The following DTNA variants were observed in gnomAD, a reference collection of about 807,000 sequenced individuals.
The protein encoded by DTNA is dystrobrevin alpha, also known as dystrophin-related protein 3.
DTNA carries 43 observed loss-of-function variants against 100.7 expected under a neutral mutation model. The observed-to-expected ratio is 0.43, with a 90% CI of 0.33 to 0.55. The LOEUF is 0.55. Among genes scored for constraint, DTNA ranks in the 20% least tolerant of loss-of-function variants. The pLI, the probability that DTNA is intolerant of heterozygous loss-of-function variation, is 0.04. For missense variants in DTNA, 798 were observed against 953.9 expected, an observed-to-expected ratio of 0.84 and a Z score of 2.15; for synonymous variants, 349 against 347.9, an observed-to-expected ratio of 1.00 and a Z score of -0.04.
rs777993752 is a variant in DTNA at position 34,851,945 on chromosome 18, G to C, written c.1532+17G>C. 17 of 1,612,050 alleles carry C rather than the reference G, an allele frequency of 1.1e-5. No individual in the cohort carries two copies. Among genetic ancestry groups the C allele is most frequent in the Non-Finnish European group, 1.4e-5 (16 of 1,178,410 alleles). On this transcript the variant is annotated intron_variant, in intron 15 of 22. Coordinates refer to ENST00000444659, the MANE Select transcript of DTNA (RefSeq NM_001386795.1). ...CAAGAACAGGTGAGACTTTGTAGAC[G>C]TGCTGGCTTGTTTGATCAATGTGCG... is the stretch of plus-strand genomic sequence containing the variant.
intron 1 of DTNA, among the ~76,000 whole-genome samples, chr18:34,510,585 G>GC (rs1392005177): frequency 1.3e-5 from 2 of 149,376 alleles, no homozygotes; most frequent in Non-Finnish European, 3.0e-5. Context: ...CCTTTTATGA[G>GC]CCCCTGTGGC....
intron 1 of DTNA, among the ~76,000 whole-genome samples, chr18:34,664,824 A>G (rs1359744567): frequency 6.6e-6 from 1 of 152,152 alleles, no homozygotes; most frequent in Non-Finnish European, 1.5e-5. Flanking sequence ...ATTGATAGGT[A>G]TAATAAACAT....
chr18:34,797,986 GTC>G (rs2095052787), intron 4 of DTNA, among the ~76,000 whole-genome samples: 4 of 126,770 alleles, frequency 3.2e-5, no homozygotes, highest in Non-Finnish European at 7.5e-5. Flanking sequence ...CTGAGCTCTT[GTC>G]GTACTAATTT....
At chr18:34,731,884 G>A (rs575241022) in intron 1 of DTNA, among the ~76,000 whole-genome samples, 1 of 152,314 alleles carries the variant, frequency 6.6e-6, no homozygotes, top group Admixed American at 6.5e-5. Flanking sequence ...ATAGGGGAAA[G>A]AAGTGACAGG....
Position 34,824,955 on chromosome 18 carries a change from TAAATC to T in DTNA, c.1002-2635_1002-2631del, listed in dbSNP as rs148188981. On this transcript the variant is annotated intron_variant, in intron 9 of 22. Coordinates refer to ENST00000444659, the MANE Select transcript of DTNA (RefSeq NM_001386795.1). ...AGTAAAAAAAAAAAAAAAAAAAAAT[TAAATC>T]AATAGGATTTTTAAACAGGTTGCGG... Among the ~76,000 whole-genome samples, 18,489 of 146,642 alleles carry T rather than the reference TAAATC, an allele frequency of 0.13. 1,416 individuals carry two copies. The highest frequency in any genetic ancestry group is 0.21 in the African/African-American group (8,450 of 39,326).
chr18:34,839,901 A>G (rs1366210966), intron 13 of DTNA, among the ~76,000 whole-genome samples: 1 of 152,176 alleles, frequency 6.6e-6, no homozygotes, highest in African/African-American at 2.4e-5. Flanking sequence ...GTATTTCACC[A>G]AGGCATTCCT....
intron 1 of DTNA, among the ~76,000 whole-genome samples, chr18:34,631,765 A>G (rs1173896275): frequency 6.6e-6 from 1 of 152,118 alleles, no homozygotes; most frequent in Non-Finnish European, 1.5e-5. Context: ...GTCTGTTTAC[A>G]CTCCTACCCT....
chr18:34,589,435 C>T (rs1050714518), intron 1 of DTNA, among the ~76,000 whole-genome samples: 2 of 151,866 alleles, frequency 1.3e-5, no homozygotes, highest in African/African-American at 2.4e-5. Context: ...AATAAAACCC[C>T]GTCTCTACTA....
intron 1 of DTNA, among the ~76,000 whole-genome samples, chr18:34,660,706 C>CTTAGCCCAA (rs1442383459): frequency 2.0e-5 from 3 of 152,138 alleles, no homozygotes; most frequent in African/African-American, 7.2e-5. Context: ...AACCCCTTAT[C>CTTAGCCCAA]TTAGCCCAGA....
chr18:34,745,377 C>T (rs925214845), intron 1 of DTNA, among the ~76,000 whole-genome samples: 6 of 152,282 alleles, frequency 3.9e-5, no homozygotes, highest in Admixed American at 1.3e-4. Flanking sequence ...TGGCCATTAG[C>T]AGCCCCAGTA....
At chr18:34,658,219 G>C (rs1183942852) in intron 1 of DTNA, among the ~76,000 whole-genome samples, 1 of 152,208 alleles carries the variant, frequency 6.6e-6, no homozygotes, top group Admixed American at 6.5e-5. Context: ...AATTTAGGGG[G>C]ATAATTTACT....
At chr18:34,683,679 A>G (rs925814813) in intron 1 of DTNA, 5 of 152,126 alleles carry the variant, frequency 3.3e-5, no homozygotes, top group African/African-American at 1.2e-4. Flanking sequence ...CATCATCCTA[A>G]AGCTGGGAGA....
intron 1 of DTNA, among the ~76,000 whole-genome samples, chr18:34,568,558 A>T (rs1267998802): frequency 6.6e-6 from 1 of 152,060 alleles, no homozygotes; most frequent in Non-Finnish European, 1.5e-5. Flanking sequence ...ATAATCATAA[A>T]AGTCTCAATT....
At position 34,794,145 on chromosome 18, in the gene DTNA, C is replaced by A. The variant is rs1279224472; in HGVS notation, c.257C>A (p.Ser86Tyr). 4 of 1,614,128 alleles carry A rather than the reference C, an allele frequency of 2.5e-6. No homozygotes were observed. The highest frequency in any genetic ancestry group is 3.4e-6 in the Non-Finnish European group (4 of 1,180,022). ...GTGTCCCGCTTAGAGGCTGTGCTCT[C>A]CACTATTTTTTACCAGCTCAACAAA... ...LNVSRLEAVL[S>Y]TIFYQLNKRM... The change falls in exon 4 of 23, where the codon TCC becomes TAC. Residue 86 changes from serine to tyrosine, a missense_variant. Physicochemically the swap from Ser to Tyr is moderately radical, Grantham distance 144 (BLOSUM62 -2). Coordinates refer to ENST00000444659, the MANE Select transcript of DTNA (RefSeq NM_001386795.1).
chr18:34,610,716 T>A (rs2054054076), intron 1 of DTNA, among the ~76,000 whole-genome samples: 1 of 152,214 alleles, frequency 6.6e-6, no homozygotes, highest in African/African-American at 2.4e-5. Flanking sequence ...ATTTCTTTAA[T>A]GATCTAGAAC....
intron 12 of DTNA, among the ~76,000 whole-genome samples, chr18:34,838,385 A>G (rs2096199422): frequency 6.6e-6 from 1 of 152,116 alleles, no homozygotes; most frequent in African/African-American, 2.4e-5. Context: ...TCTTTTTTGA[A>G]ATGACTAAGC....
chr18:34,760,634 G>A (rs888877739), intron 2 of DTNA, among the ~76,000 whole-genome samples: 8 of 152,090 alleles, frequency 5.3e-5, no homozygotes, highest in African/African-American at 1.4e-4. Flanking sequence ...CTGCCAAGGC[G>A]GCTGCCTTCT....
intron 17 of DTNA, chr18:34,867,623 CAG>C: frequency 1.0e-6 from 1 of 1,001,130 alleles, no homozygotes. Flanking sequence ...CTCCTCCTAG[CAG>C]AGAGAGAGGG....
At chr18:34,661,378 C>T (rs1599744836) in intron 1 of DTNA, among the ~76,000 whole-genome samples, 1 of 152,200 alleles carries the variant, frequency 6.6e-6, no homozygotes, top group East Asian at 1.9e-4. Flanking sequence ...TATTGATGGC[C>T]CTGCCTTCTG....
Sources: allele counts gnomAD v4.1 joint callset (sites outside exome capture counted in the v4.1 genomes callset), GRCh38; gene constraint gnomAD v4.1.1; transcripts MANE v1.5; gene names NCBI Gene and HGNC (gene_info 2026-07-23, HGNC 2026-07-21).